The following PDE6A variants were observed in gnomAD, a reference collection of about 807,000 sequenced individuals.
The protein encoded by PDE6A is rod cGMP-specific 3',5'-cyclic phosphodiesterase subunit alpha.
PDE6A carries 84 observed loss-of-function variants against 106.3 expected under a neutral mutation model. That is an observed-to-expected ratio of 0.79 (90% CI 0.66 to 0.95). PDE6A has a LOEUF of 0.95. Among genes scored for constraint, PDE6A ranks in the 40% least tolerant of loss-of-function variants. The probability of loss-of-function intolerance (pLI) is 0.00; values close to 1 mark genes in which losing one functional copy is unlikely to be tolerated. For synonymous variants in PDE6A, 394 were observed against 386.6 expected, an observed-to-expected ratio of 1.02 and a Z score of -0.23; for missense variants, 1,052 against 1,084.9, an observed-to-expected ratio of 0.97 and a Z score of 0.43.
Position 149,874,361 on chromosome 5 carries a change from T to A in PDE6A, c.2136-6203A>T, listed in dbSNP as rs114265241. Among the ~76,000 whole-genome samples the A allele has an allele frequency of 2.5e-3, 375 of 152,280 alleles. 3 individuals are homozygous for A. The highest frequency in any genetic ancestry group is 8.3e-3 in the African/African-American group (346 of 41,544). On this transcript the variant is annotated intron_variant, in intron 17 of 21. Coordinates refer to ENST00000255266, the MANE Select transcript of PDE6A (RefSeq NM_000440.3). ...CCTGCGTTCGGGTTCAGTAATTTGC[T>A]AGATGAGCTCACAAATCTCAGGGAA... is the stretch of plus-strand genomic sequence containing the variant.
intron 1 of PDE6A, among the ~76,000 whole-genome samples, chr5:149,942,739 T>G (rs1754358180): frequency 6.6e-6 from 1 of 151,764 alleles, no homozygotes; most frequent in South Asian, 2.1e-4. Context: ...CGGGAAAACA[T>G]GTGAGCAAAG....
chr5:149,938,588 G>A (rs1754246496), intron 1 of PDE6A, among the ~76,000 whole-genome samples: 2 of 152,202 alleles, frequency 1.3e-5, no homozygotes, highest in Admixed American at 6.5e-5. Flanking sequence ...CCAGGAGAAA[G>A]GGCAAAGGAA....
intron 17 of PDE6A, among the ~76,000 whole-genome samples, chr5:149,879,469 C>T (rs975869918): frequency 4.0e-5 from 6 of 151,166 alleles, no homozygotes; most frequent in Admixed American, 1.3e-4. Context: ...TACATGTGCA[C>T]CTTGTGCAGG....
chr5:149,862,012 C>T (rs1249080983), intron 21 of PDE6A, among the ~76,000 whole-genome samples: 1 of 152,152 alleles, frequency 6.6e-6, no homozygotes, highest in Admixed American at 6.5e-5. Flanking sequence ...CTAAGTGGCC[C>T]CTACATTTGC....
At chr5:149,907,230 C>T in intron 7 of PDE6A, 82 bp downstream of exon 7, 1 of 1,076,210 alleles carries the variant, frequency 9.3e-7, no homozygotes, top group Non-Finnish European at 1.4e-6. Flanking sequence ...TCATCTTTTC[C>T]ACTCTCTTCT....
intron 6 of PDE6A, among the ~76,000 whole-genome samples, chr5:149,909,443 TTA>T (rs1394968153): frequency 6.6e-6 from 1 of 152,260 alleles, no homozygotes; most frequent in Non-Finnish European, 1.5e-5. Context: ...AGACTCTTTT[TTA>T]TTCCAGATTA....
At position 149,940,409 on chromosome 5, in the gene PDE6A, G is replaced by A. The variant is rs956204401; in HGVS notation, c.474+3791C>T. Among the ~76,000 whole-genome samples the A allele has an allele frequency of 5.3e-5, 8 of 152,160 alleles. No homozygotes were observed. The South Asian group carries it at 6.2e-4, about 12-fold the overall frequency. The stretch of plus-strand genomic sequence containing the variant: ...CAAGAGGAGATGACGGGAGCCATGC[G>A]CCCATGTGGGAGCCCACCGGGTATG... On this transcript the variant is annotated intron_variant, in intron 1 of 21. Coordinates refer to ENST00000255266, the MANE Select transcript of PDE6A (RefSeq NM_000440.3).
intron 5 of PDE6A, among the ~76,000 whole-genome samples, chr5:149,915,665 A>G (rs771211715): frequency 1.3e-5 from 2 of 152,160 alleles, no homozygotes; most frequent in Non-Finnish European, 2.9e-5. Context: ...CTGGAGGTTG[A>G]TTGTGTGCAA....
chr5:149,902,880 C>A (rs2113605278), intron 8 of PDE6A, among the ~76,000 whole-genome samples: 1 of 150,640 alleles, frequency 6.6e-6, no homozygotes, highest in East Asian at 2.0e-4. Flanking sequence ...CATAATAAAA[C>A]TTAACAGAAG....
At position 149,859,583 on chromosome 5, in the gene PDE6A, A is replaced by G. The variant is rs945571747; in HGVS notation, c.*1312T>C. On this transcript the variant is annotated 3_prime_UTR_variant, in exon 22 of 22. Transcript: ENST00000255266. ...TCGTGGAGCTGGAACAGCCCTGCAC[A>G]GTTATCCCATGCTCAGCCAAGATGG... 1 of 152,306 alleles carries G rather than the reference A, an allele frequency of 6.6e-6. No individual in the cohort carries two copies. The highest frequency in any genetic ancestry group is 2.4e-5 in the African/African-American group (1 of 41,468). The allele number at this position is 152,306 out of a possible 1,614,324, so 9.4% of individuals were successfully genotyped here.
intron 7 of PDE6A, among the ~76,000 whole-genome samples, chr5:149,904,878 C>T (rs1753126204): frequency 6.6e-6 from 1 of 152,132 alleles, no homozygotes; most frequent in Non-Finnish European, 1.5e-5. Flanking sequence ...CTGCATCCAT[C>T]ATGGTCCCTA....
At chr5:149,932,259 C>G (rs1754056601) in intron 3 of PDE6A, 1 of 1,419,338 alleles carries the variant, frequency 7.0e-7, no homozygotes, top group African/African-American at 1.4e-5. Flanking sequence ...TCCATTTTGG[C>G]GAACAGCAGT....
chr5:149,933,821 AG>A (rs1479375445), intron 3 of PDE6A, 108 bp downstream of exon 3: 1 of 765,622 alleles, frequency 1.3e-6, no homozygotes, highest in Non-Finnish European at 2.3e-6. Context: ...TGCTGGCCAG[AG>A]ACTGGCTTCC....
At chr5:149,902,145 G>A (rs1205021528) in intron 8 of PDE6A, among the ~76,000 whole-genome samples, 1 of 152,162 alleles carries the variant, frequency 6.6e-6, no homozygotes, top group Non-Finnish European at 1.5e-5. Flanking sequence ...TCTGGTCTCT[G>A]TCCACCTCTC....
At chr5:149,864,977 C>G (rs140051445) in intron 20 of PDE6A, among the ~76,000 whole-genome samples, 1 of 152,180 alleles carries the variant, frequency 6.6e-6, no homozygotes, top group Admixed American at 6.5e-5. Context: ...CCATGGCTCA[C>G]GCCTGTAATC....
chr5:149,895,694 A>G (rs1239199743), intron 12 of PDE6A, among the ~76,000 whole-genome samples: 2 of 152,028 alleles, frequency 1.3e-5, no homozygotes, highest in Non-Finnish European at 2.9e-5. Flanking sequence ...TTGCGTGTGC[A>G]TGAGACTCAC....
chr5:149,901,921 A>C (rs945668738), intron 8 of PDE6A, among the ~76,000 whole-genome samples: 6 of 151,992 alleles, frequency 3.9e-5, no homozygotes, highest in Non-Finnish European at 8.8e-5. Flanking sequence ...TTTTTCTTTT[A>C]TTTGTTTAGC....
Position 149,866,263 on chromosome 5 carries a change from G to A in PDE6A, c.2275-10C>T, listed in dbSNP as rs148881523. The A allele has an allele frequency of 1.2e-5, 20 of 1,604,932 alleles. No homozygotes were observed. The African/African-American group carries it at 2.3e-4, about 18-fold the overall frequency. On this transcript the variant is annotated splice_polypyrimidine_tract_variant and intron_variant, in intron 19 of 21. Transcript: ENST00000255266. ...TTCTGTCCATCATGGGCTGTCATGG[G>A]GGAGAAAGAGTTAATTGCACTGGAC...
At chr5:149,916,221 A>C (rs1753546398) in intron 5 of PDE6A, among the ~76,000 whole-genome samples, 2 of 152,186 alleles carry the variant, frequency 1.3e-5, no homozygotes, top group African/African-American at 4.8e-5. Context: ...TGTATGCCCC[A>C]AATTGCAAGT....
Sources: allele counts gnomAD v4.1 joint callset (sites outside exome capture counted in the v4.1 genomes callset), GRCh38; gene constraint gnomAD v4.1.1; transcripts MANE v1.5; gene names NCBI Gene and HGNC (gene_info 2026-07-23, HGNC 2026-07-21).